The following NPAS3 variants were observed in gnomAD, a reference collection of about 807,000 sequenced individuals.
The protein encoded by NPAS3 is neuronal PAS domain-containing protein 3.
Under a neutral mutation model 73.1 loss-of-function variants are expected in NPAS3, and 14 were observed. That is an observed-to-expected ratio of 0.19 (90% CI 0.13 to 0.30). The LOEUF (loss-of-function observed/expected upper bound fraction) is 0.30. NPAS3 is among the 10% of genes least tolerant of loss of function. The pLI is 1.00. For synonymous variants in NPAS3, 620 were observed against 541.5 expected (o/e 1.14, Z -2.01); for missense variants, 1,096 against 1,250.0 (o/e 0.88, Z 1.86).
chr14:33,632,338 A>G (rs1393327007), intron 5 of NPAS3, among the ~76,000 whole-genome samples: 1 of 152,192 alleles, frequency 6.6e-6, no homozygotes, highest in Non-Finnish European at 1.5e-5. Context: ...GGAAATAAGC[A>G]TTTTAAAACT....
intron 2 of NPAS3, among the ~76,000 whole-genome samples, chr14:33,115,384 G>A (rs2043028849): frequency 1.3e-5 from 2 of 152,292 alleles, no homozygotes; most frequent in Non-Finnish European, 1.5e-5. Flanking sequence ...GAGAGGTCAT[G>A]TACCCAGTCG....
intron 3 of NPAS3, among the ~76,000 whole-genome samples, chr14:33,271,184 G>A (rs551946167): frequency 6.6e-6 from 1 of 152,298 alleles, no homozygotes; most frequent in South Asian, 2.1e-4. Flanking sequence ...ACCCAGCAAG[G>A]CCTCTCTGTT....
chr14:33,043,335 C>T (rs904917626), intron 1 of NPAS3, among the ~76,000 whole-genome samples: 2 of 152,064 alleles, frequency 1.3e-5, no homozygotes, highest in Non-Finnish European at 2.9e-5. Context: ...ATTAAATTCT[C>T]CTTAGTAGTA....
chr14:33,246,454 G>A (rs2048379633), intron 3 of NPAS3, among the ~76,000 whole-genome samples: 1 of 149,540 alleles, frequency 6.7e-6, no homozygotes, highest in African/African-American at 2.5e-5. Context: ...CAGGAGAATG[G>A]CGTGAACCCC....
intron 7 of NPAS3, among the ~76,000 whole-genome samples, chr14:33,771,768 G>A (rs930360465): frequency 9.2e-5 from 14 of 151,884 alleles, no homozygotes; most frequent in Non-Finnish European, 2.1e-4. Context: ...CCGAGATCAC[G>A]CCACTAAACT....
At chr14:33,645,969 C>G (rs2058817724) in intron 5 of NPAS3, among the ~76,000 whole-genome samples, 1 of 152,194 alleles carries the variant, frequency 6.6e-6, no homozygotes, top group South Asian at 2.1e-4. Context: ...GTTAATGCCT[C>G]TTGAAATGTA....
chr14:33,664,627 G>T (rs1467282290), intron 5 of NPAS3, among the ~76,000 whole-genome samples: 1 of 152,050 alleles, frequency 6.6e-6, no homozygotes, highest in African/African-American at 2.4e-5. Flanking sequence ...TCTGACAAAG[G>T]GCTAATATCC....
At chr14:33,108,140 A>T (rs1272917392) in intron 2 of NPAS3, among the ~76,000 whole-genome samples, 1 of 152,046 alleles carries the variant, frequency 6.6e-6, no homozygotes, top group Non-Finnish European at 1.5e-5. Flanking sequence ...GCAAAAAAGT[A>T]GAATTTAGAA....
At chr14:33,766,020 A>G (rs1037857442) in intron 7 of NPAS3, among the ~76,000 whole-genome samples, 2 of 152,248 alleles carry the variant, frequency 1.3e-5, no homozygotes, top group African/African-American at 2.4e-5. Context: ...AATCCCTCAC[A>G]TCAGCATTAG....
chr14:32,946,204 C>T lies in NPAS3; in HGVS notation c.50+6838C>T, dbSNP rs139235182. 1.1e-3 allele frequency among the ~76,000 whole-genome samples: 163 copies of T among 152,220 alleles called. 1 individual carries two copies. Among genetic ancestry groups the T allele is most frequent in the Non-Finnish European group, 1.1e-3 (72 of 68,018 alleles). ...ATGGCAGCAAGCATTTATATAGCAT[C>T]GTGTGCTAATAAACAGGTACTCTTC... On this transcript the variant is annotated intron_variant, in intron 1 of 11. Transcript: ENST00000356141.
intron 6 of NPAS3, among the ~76,000 whole-genome samples, chr14:33,729,479 G>T: frequency 6.6e-6 from 1 of 152,152 alleles, no homozygotes; most frequent in Non-Finnish European, 1.5e-5. Context: ...AGGAGCAGCT[G>T]ATCTGTGTAG....
chr14:33,235,326 G>C (rs1465082147), intron 3 of NPAS3, among the ~76,000 whole-genome samples: 1 of 151,806 alleles, frequency 6.6e-6, no homozygotes, highest in African/African-American at 2.4e-5. Flanking sequence ...GAGAATTTGT[G>C]GTCTTTTTGT....
At chr14:33,262,333 G>C (rs977966077) in intron 3 of NPAS3, among the ~76,000 whole-genome samples, 2 of 152,180 alleles carry the variant, frequency 1.3e-5, no homozygotes, top group Non-Finnish European at 1.5e-5. Context: ...AGGCAATACA[G>C]TTCTACTTTT....
chr14:33,072,295 C>A (rs1234989870), intron 2 of NPAS3, among the ~76,000 whole-genome samples: 4 of 152,178 alleles, frequency 2.6e-5, no homozygotes, highest in Non-Finnish European at 5.9e-5. Flanking sequence ...GGGAACCACA[C>A]TTCCTTTGGA....
At chr14:33,543,440 A>C (rs2054612423) in intron 4 of NPAS3, among the ~76,000 whole-genome samples, 1 of 152,050 alleles carries the variant, frequency 6.6e-6, no homozygotes, top group Non-Finnish European at 1.5e-5. Flanking sequence ...AGTCCATTAC[A>C]CTTTGGCCTG....
intron 3 of NPAS3, among the ~76,000 whole-genome samples, chr14:33,357,569 GGAC>G (rs2045393878): frequency 1.3e-5 from 2 of 152,224 alleles, no homozygotes; most frequent in Non-Finnish European, 2.9e-5. Flanking sequence ...AGTCATCTTT[GGAC>G]CGGCCTCTGC....
chr14:33,603,889 C>G (rs2057474362), intron 5 of NPAS3, among the ~76,000 whole-genome samples: 1 of 151,866 alleles, frequency 6.6e-6, no homozygotes, highest in South Asian at 2.1e-4. Flanking sequence ...GAAACTAGCA[C>G]CAAGTTCAGG....
chr14:33,302,435 G>A (rs2042589459), intron 3 of NPAS3, among the ~76,000 whole-genome samples: 1 of 152,088 alleles, frequency 6.6e-6, no homozygotes, highest in African/African-American at 2.4e-5. Flanking sequence ...ATGGCCAGAA[G>A]AAAATTGAAA....
chr14:33,201,294 A>G (rs1490964438), intron 2 of NPAS3, among the ~76,000 whole-genome samples: 1 of 107,278 alleles, frequency 9.3e-6, no homozygotes, highest in Non-Finnish European at 2.1e-5. Context: ...TCACTCCCCT[A>G]ACAATGGTGT....
Sources: gnomAD v4.1 joint callset for allele counts (sites outside exome capture counted in the v4.1 genomes callset) on GRCh38, gnomAD v4.1.1 for gene constraint, MANE v1.5 for transcripts, NCBI Gene and HGNC (gene_info 2026-07-23, HGNC 2026-07-21) for gene names.